Variants in RAB30 observed in about 807,000 individuals in gnomAD.
RAB30 encodes the protein RAB30, member RAS oncogene family.
Under a neutral mutation model 25.1 loss-of-function variants are expected in RAB30, and 9 were observed. The observed-to-expected ratio is 0.36, with a 90% CI of 0.22 to 0.63. The LOEUF (loss-of-function observed/expected upper bound fraction) is 0.63. Ranked by LOEUF, RAB30 falls within the 20% of genes least tolerant of loss-of-function variation. RAB30 has a pLI of 0.69. For synonymous variants in RAB30, 77 were observed against 86.4 expected (o/e 0.89, Z 0.60); for missense variants, 140 against 243.5 (o/e 0.58, Z 2.83).
chr11:83,016,697 C>T (rs1352890467), intron 1 of RAB30, among the ~76,000 whole-genome samples: 4 of 152,102 alleles, frequency 2.6e-5, no homozygotes, highest in Admixed American at 6.6e-5. Context: ...CACAATTGAC[C>T]GTAATATATA....
chr11:83,048,960 T>C (rs1383596542), intron 1 of RAB30, among the ~76,000 whole-genome samples: 1 of 152,138 alleles, frequency 6.6e-6, no homozygotes, highest in Non-Finnish European at 1.5e-5. Context: ...AGCTGGAGCA[T>C]CCACTCAAGC....
chr11:83,017,911 G>A (rs576188281), intron 1 of RAB30, among the ~76,000 whole-genome samples: 1 of 152,180 alleles, frequency 6.6e-6, no homozygotes, highest in Non-Finnish European at 1.5e-5. Context: ...GGCATTGCTG[G>A]ATCAAATGGT....
At chr11:82,992,940 C>G (rs1856887417) in intron 3 of RAB30, among the ~76,000 whole-genome samples, 1 of 152,116 alleles carries the variant, frequency 6.6e-6, no homozygotes, top group African/African-American at 2.4e-5. Flanking sequence ...GACATGGAGT[C>G]TCGCTATGTC....
At chr11:83,050,799 A>G (rs1437896215) in intron 1 of RAB30, among the ~76,000 whole-genome samples, 3 of 152,190 alleles carry the variant, frequency 2.0e-5, no homozygotes, top group African/African-American at 7.2e-5. Context: ...ATACTTGTAC[A>G]TGTTAGAAAT....
intron 1 of RAB30, among the ~76,000 whole-genome samples, chr11:83,001,406 C>T (rs959312777): frequency 1.3e-5 from 2 of 152,138 alleles, no homozygotes; most frequent in Non-Finnish European, 2.9e-5. Context: ...TCCTGAACTC[C>T]TGGCCTCAAT....
intron 1 of RAB30, among the ~76,000 whole-genome samples, chr11:83,051,322 A>C (rs1240877873): frequency 6.6e-6 from 1 of 152,158 alleles, no homozygotes; most frequent in East Asian, 1.9e-4. Context: ...TGAGCCACTG[A>C]AATTTGGGGG....
At chr11:83,031,196 C>A (rs994751788) in intron 1 of RAB30, among the ~76,000 whole-genome samples, 1 of 152,230 alleles carries the variant, frequency 6.6e-6, no homozygotes, top group Non-Finnish European at 1.5e-5. Context: ...TTAAGCCACC[C>A]AGTGTGTGGT....
rs996562255 is a variant in RAB30, at chr11:83,014,578, A to C, written c.-8-17254T>G. ...AGGAAAGAGAGACAGGGGGAGACAG[A>C]AGAAAAGAAAGAGAGAGGCAGAGGC... is the stretch of plus-strand genomic sequence containing the variant. On this transcript the variant is annotated intron_variant, in intron 1 of 4. Coordinates refer to ENST00000527633, the MANE Select transcript of RAB30 (RefSeq NM_001286060.2). Among the ~76,000 whole-genome samples, 5 of 147,092 alleles carry C rather than the reference A, an allele frequency of 3.4e-5. No homozygotes were observed. In the Admixed American group the frequency reaches 3.5e-4, roughly 10 times the overall value.
intron 1 of RAB30, among the ~76,000 whole-genome samples, chr11:83,029,284 A>G (rs1375750418): frequency 1.3e-5 from 2 of 152,168 alleles, no homozygotes. Flanking sequence ...TCAAATATAC[A>G]TAAAAGCAGA....
rs1404408539 is a variant in RAB30, at chr11:82,979,043, G to C, written c.*3122C>G. 1 of 151,880 alleles carries C rather than the reference G, an allele frequency of 6.6e-6. No individual in the cohort carries two copies. Among genetic ancestry groups the C allele is most frequent in the Non-Finnish European group, 1.5e-5 (1 of 67,966 alleles). 9.4% of individuals were successfully genotyped at this position (151,880 alleles called of 1,614,324 possible). On this transcript the variant is annotated 3_prime_UTR_variant, in exon 5 of 5. Coordinates refer to ENST00000527633, the MANE Select transcript of RAB30 (RefSeq NM_001286060.2). The stretch of plus-strand genomic sequence containing the variant: ...AGTAATCCATCAAAAAAGATAATTG[G>C]CCCTGTAAATTCAAAAAATATTAAT...
chr11:82,984,886 G>A (rs1856710433), intron 4 of RAB30, among the ~76,000 whole-genome samples: 1 of 152,206 alleles, frequency 6.6e-6, no homozygotes. Context: ...AAAGGACTCA[G>A]GAGCCCATTT....
intron 1 of RAB30, among the ~76,000 whole-genome samples, chr11:83,012,128 T>G (rs1417986028): frequency 6.6e-6 from 1 of 152,184 alleles, no homozygotes; most frequent in African/African-American, 2.4e-5. Flanking sequence ...CCAAAGACTC[T>G]GTCCTCTGTT....
At position 83,004,487 on chromosome 11, in the gene RAB30, C is replaced by T. The variant is rs541715569; in HGVS notation, c.-8-7163G>A. 2.0e-5 allele frequency among the ~76,000 whole-genome samples: 3 copies of T among 152,194 alleles called. No homozygotes were observed. In the South Asian group the frequency reaches 6.2e-4, roughly 32 times the overall value. ...ATGCTTGCCCAGAAGCTGTGGAGGGCGATGGGCAGGGCATGAGAAACAAGA... is the reference window on the plus strand; with the variant it reads ...ATGCTTGCCCAGAAGCTGTGGAGGGTGATGGGCAGGGCATGAGAAACAAGA... On this transcript the variant is annotated intron_variant, in intron 1 of 4. Transcript: ENST00000527633.
rs1407225648 is a variant in RAB30, at chr11:82,974,765, T to C, written c.*7400A>G. 2 of 152,086 alleles carry C rather than the reference T, an allele frequency of 1.3e-5. No homozygotes were observed. The highest frequency in any genetic ancestry group is 2.1e-4 in the South Asian group (1 of 4,826). The allele number at this position is 152,086 out of a possible 1,614,324, so 9.4% of individuals were successfully genotyped here. On this transcript the variant is annotated 3_prime_UTR_variant, in exon 5 of 5. Transcript: ENST00000527633. Reference sequence around the variant, plus strand: ...TCATAAAGCAGCTTCTCTAAATATTTTAACTAGCTGCTGAGATCTCCAGAA... The same window carrying C: ...TCATAAAGCAGCTTCTCTAAATATTCTAACTAGCTGCTGAGATCTCCAGAA...
intron 1 of RAB30, among the ~76,000 whole-genome samples, chr11:83,042,269 T>C (rs1359383114): frequency 6.6e-6 from 1 of 152,038 alleles, no homozygotes; most frequent in Non-Finnish European, 1.5e-5. Context: ...AAAACAAATC[T>C]AGGCCAGTTG....
At chr11:83,064,572 T>G (rs925731830) in intron 1 of RAB30, among the ~76,000 whole-genome samples, 2 of 152,234 alleles carry the variant, frequency 1.3e-5, no homozygotes, top group African/African-American at 2.4e-5. Flanking sequence ...AATACAGGAT[T>G]GTATTTAGAA....
chr11:83,019,184 G>A (rs892104099), intron 1 of RAB30, among the ~76,000 whole-genome samples: 1 of 152,062 alleles, frequency 6.6e-6, no homozygotes, highest in African/African-American at 2.4e-5. Context: ...GTGCCACCAT[G>A]CCCAGTAATT....
At chr11:83,031,917 T>C (rs972107524) in intron 1 of RAB30, among the ~76,000 whole-genome samples, 1 of 152,216 alleles carries the variant, frequency 6.6e-6, no homozygotes, top group Non-Finnish European at 1.5e-5. Flanking sequence ...CATGTGCTGA[T>C]GAAGCACCTG....
intron 4 of RAB30, among the ~76,000 whole-genome samples, chr11:82,986,636 G>A (rs572665303): frequency 5.3e-5 from 8 of 152,292 alleles, no homozygotes; most frequent in African/African-American, 1.7e-4. Flanking sequence ...TTGTTACAAC[G>A]TAACATATTA....
Sources: gnomAD v4.1 joint callset for allele counts (sites outside exome capture counted in the v4.1 genomes callset) on GRCh38, gnomAD v4.1.1 for gene constraint, MANE v1.5 for transcripts, NCBI Gene and HGNC (gene_info 2026-07-23, HGNC 2026-07-21) for gene names.